Variants in CORO1C observed in about 807,000 individuals in gnomAD.
CORO1C encodes coronin-1C.
CORO1C carries 14 observed loss-of-function variants against 51.2 expected under a neutral mutation model. The observed-to-expected ratio is 0.27, with a 90% CI of 0.18 to 0.43. CORO1C has a LOEUF of 0.43. CORO1C is among the 20% of genes least tolerant of loss of function. The pLI is 1.00. For synonymous variants in CORO1C, 181 were observed against 210.5 expected (o/e 0.86, Z 1.21); for missense variants, 417 against 607.8 (o/e 0.69, Z 3.30).
chr12:108,666,453 C>A (rs2033480842), intron 3 of CORO1C, among the ~76,000 whole-genome samples: 1 of 152,140 alleles, frequency 6.6e-6, no homozygotes, highest in Non-Finnish European at 1.5e-5. Context: ...GTCTGTAGGT[C>A]TTTCCACACT....
Position 108,702,769 on chromosome 12 carries a change from G to T in CORO1C, c.-5-1446C>A, listed in dbSNP as rs142159844. The T allele has an allele frequency of 2.3e-5, 34 of 1,486,510 alleles. 1 individual carries two copies. The African/African-American group carries it at 2.9e-4, about 13-fold the overall frequency. 92.1% of individuals were successfully genotyped at this position (1,486,510 alleles called of 1,614,324 possible). On this transcript the variant is annotated intron_variant, in intron 1 of 10. Coordinates refer to ENST00000261401, the MANE Select transcript of CORO1C (RefSeq NM_014325.4). Reference sequence around the variant, plus strand: ...AGCCCACTGCTAAATGCAGAGAGACGAATTTATTTTTGCCAGAGTCTCTTA... The same window carrying T: ...AGCCCACTGCTAAATGCAGAGAGACTAATTTATTTTTGCCAGAGTCTCTTA...
At chr12:108,716,703 G>C (rs2035344918) in intron 1 of CORO1C, among the ~76,000 whole-genome samples, 1 of 152,116 alleles carries the variant, frequency 6.6e-6, no homozygotes, top group African/African-American at 2.4e-5. Context: ...ATGATTTCTA[G>C]GGTCCTATCA....
chr12:108,679,145 A>G (rs1223315020), intron 2 of CORO1C, among the ~76,000 whole-genome samples: 18 of 138,324 alleles, frequency 1.3e-4, no homozygotes, highest in African/African-American at 3.7e-4. Context: ...AAGAAAAAAG[A>G]AAAAAAAAAA....
chr12:108,646,219 TG>T lies in CORO1C; in HGVS notation c.*1183del. 6.6e-6 allele frequency: 1 copy of T among 152,420 alleles called. No individual in the cohort carries two copies. 9.4% of individuals were successfully genotyped at this position (152,420 alleles called of 1,614,324 possible). On this transcript the variant is annotated 3_prime_UTR_variant, in exon 11 of 11. Coordinates refer to ENST00000261401, the MANE Select transcript of CORO1C (RefSeq NM_014325.4). ...AGGCAGGAAGGAAAGAAGGAATGGCTGGGGGAGCCCTGAGAGAGGTCGCAGC... is the reference window on the plus strand; with the variant it reads ...AGGCAGGAAGGAAAGAAGGAATGGCTGGGGAGCCCTGAGAGAGGTCGCAGC...
At chr12:108,715,351 T>C (rs1452174689) in intron 1 of CORO1C, among the ~76,000 whole-genome samples, 1 of 152,130 alleles carries the variant, frequency 6.6e-6, no homozygotes, top group African/African-American at 2.4e-5. Flanking sequence ...TAAAATATAA[T>C]AGAAATGACA....
rs1592900884 is a variant in CORO1C, at chr12:108,685,250, T to C, written c.196-6856A>G. On this transcript the variant is annotated intron_variant, in intron 2 of 10. Transcript: ENST00000261401. ...GATATCTGAGAATAATAATAAGCAT[T>C]ACTGCCATTCCCAGCTCAGCCCCAA... 2.6e-5 allele frequency among the ~76,000 whole-genome samples: 4 copies of C among 152,296 alleles called. No homozygotes were observed. The South Asian group carries it at 8.3e-4, about 32-fold the overall frequency.
At chr12:108,647,701 T>C (rs375229600) in intron 10 of CORO1C, among the ~76,000 whole-genome samples, 179 bp from the exon 11 acceptor site, 61 of 152,338 alleles carry the variant, frequency 4.0e-4, no homozygotes, top group African/African-American at 1.4e-3. Context: ...CAATGAGCAC[T>C]GGCCGATCTA....
At position 108,647,208 on chromosome 12, in the gene CORO1C, G is replaced by A. The variant is rs1407620940; in HGVS notation, c.*195C>T. On this transcript the variant is annotated 3_prime_UTR_variant, in exon 11 of 11. Transcript: ENST00000261401. ...ATAAAAAGCTCAGCTTTTAAATCAC[G>A]TTTTGTTTCTGCAAATTTGGGAGAC... The A allele has an allele frequency of 4.3e-6, 2 of 462,296 alleles. No homozygotes were observed. Among genetic ancestry groups the A allele is most frequent in the East Asian group, 3.3e-5 (1 of 30,662 alleles). The allele number at this position is 462,296 out of a possible 1,614,324, so 28.6% of individuals were successfully genotyped here.
At chr12:108,704,144 A>ACCT (rs2034959378) in intron 1 of CORO1C, among the ~76,000 whole-genome samples, 1 of 152,206 alleles carries the variant, frequency 6.6e-6, no homozygotes, top group Non-Finnish European at 1.5e-5. Flanking sequence ...GAAAGATACT[A>ACCT]TACAAATCTT....
chr12:108,673,113 T>G (rs922106198), intron 3 of CORO1C, among the ~76,000 whole-genome samples: 1 of 152,208 alleles, frequency 6.6e-6, no homozygotes, highest in Non-Finnish European at 1.5e-5. Flanking sequence ...GAGGAAGCCA[T>G]GTTGAAAGCT....
At chr12:108,691,451 A>G (rs1235267991) in intron 2 of CORO1C, among the ~76,000 whole-genome samples, 1 of 152,230 alleles carries the variant, frequency 6.6e-6, no homozygotes, top group Non-Finnish European at 1.5e-5. Flanking sequence ...CCGGAGATAC[A>G]GCAGCTTTCC....
chr12:108,676,794 G>C (rs1473460222), intron 3 of CORO1C, among the ~76,000 whole-genome samples: 1 of 151,554 alleles, frequency 6.6e-6, no homozygotes, highest in Non-Finnish European at 1.5e-5. Context: ...AAAAATTCTG[G>C]CATCAGGTCT....
At chr12:108,697,292 C>T (rs1034518967) in intron 2 of CORO1C, among the ~76,000 whole-genome samples, 2 of 152,050 alleles carry the variant, frequency 1.3e-5, no homozygotes, top group Non-Finnish European at 2.9e-5. Flanking sequence ...AACGCATCAC[C>T]AAAACTAACC....
At chr12:108,684,402 G>T (rs2034229894) in intron 2 of CORO1C, among the ~76,000 whole-genome samples, 1 of 152,128 alleles carries the variant, frequency 6.6e-6, no homozygotes, top group African/African-American at 2.4e-5. Flanking sequence ...AGGAAGTCCA[G>T]CCCAGCAATG....
chr12:108,709,908 G>A (rs10507233), intron 1 of CORO1C, among the ~76,000 whole-genome samples: 7 of 152,246 alleles, frequency 4.6e-5, no homozygotes, highest in South Asian at 4.1e-4. Flanking sequence ...GCTTGCAACA[G>A]TAAGATCATC....
intron 1 of CORO1C, chr12:108,702,698 G>T: frequency 3.2e-6 from 4 of 1,262,892 alleles, no homozygotes; most frequent in Non-Finnish European, 4.2e-6. Context: ...ACACATGGTG[G>T]GCTGTTGCTA....
Position 108,687,559 on chromosome 12 carries a change from C to T in CORO1C, c.196-9165G>A, listed in dbSNP as rs559323820. Among the ~76,000 whole-genome samples, 12 of 151,868 alleles carry T rather than the reference C, an allele frequency of 7.9e-5. No individual in the cohort carries two copies. In the South Asian group the frequency reaches 2.3e-3, roughly 29 times the overall value. On this transcript the variant is annotated intron_variant, in intron 2 of 10. Coordinates refer to ENST00000261401, the MANE Select transcript of CORO1C (RefSeq NM_014325.4). ...CAGCACTTTGGGAGGCTGAGGCGGG[C>T]GGATCACTTGAGGTCAGGAGTTCGA... is the stretch of plus-strand genomic sequence containing the variant.
intron 1 of CORO1C, among the ~76,000 whole-genome samples, chr12:108,722,036 C>G (rs1435792465): frequency 6.6e-6 from 1 of 152,198 alleles, no homozygotes; most frequent in Non-Finnish European, 1.5e-5. Context: ...GGTATCAGGA[C>G]TAGCCTCCTT....
intron 1 of CORO1C, among the ~76,000 whole-genome samples, chr12:108,709,245 A>T (rs1202741204): frequency 1.3e-5 from 2 of 152,200 alleles, no homozygotes; most frequent in South Asian, 2.1e-4. Flanking sequence ...AATCTGAAGC[A>T]TAGTACATAC....
Sources: gnomAD v4.1 joint callset for allele counts (sites outside exome capture counted in the v4.1 genomes callset) on GRCh38, gnomAD v4.1.1 for gene constraint, MANE v1.5 for transcripts, NCBI Gene and HGNC (gene_info 2026-07-23, HGNC 2026-07-21) for gene names.